The following CNTN5 variants were observed in gnomAD, a reference collection of about 807,000 sequenced individuals.
CNTN5 encodes contactin-5.
A neutral mutation model predicts 129.1 loss-of-function variants in CNTN5; 77 were observed. The observed-to-expected ratio is 0.60, with a 90% CI of 0.50 to 0.72. The LOEUF (loss-of-function observed/expected upper bound fraction) is 0.72, where lower values mean the gene tolerates loss of function less well. Ranked by LOEUF, CNTN5 falls within the 30% of genes least tolerant of loss-of-function variation. The pLI is 0.00. For synonymous variants in CNTN5, 509 were observed against 465.6 expected (o/e 1.09, Z -1.20); for missense variants, 1,478 against 1,328.8 (o/e 1.11, Z -1.75).
intron 3 of CNTN5, among the ~76,000 whole-genome samples, chr11:99,726,591 ATATT>A (rs1182936397): frequency 6.6e-6 from 1 of 152,220 alleles, no homozygotes; most frequent in Admixed American, 6.5e-5. Flanking sequence ...GTATTTTTAT[ATATT>A]ATCTAATTTA....
At chr11:99,130,695 G>C (rs1408981147) in intron 1 of CNTN5, among the ~76,000 whole-genome samples, 2 of 71,360 alleles carry the variant, frequency 2.8e-5, no homozygotes, top group African/African-American at 5.3e-5. Flanking sequence ...CTGTGAAATT[G>C]ATCACATAAT....
intron 3 of CNTN5, among the ~76,000 whole-genome samples, chr11:99,581,782 T>G (rs2135621179): frequency 6.6e-6 from 1 of 152,324 alleles, no homozygotes; most frequent in East Asian, 1.9e-4. Flanking sequence ...TTTATCCAAT[T>G]TTCCAGTCTG....
intron 1 of CNTN5, among the ~76,000 whole-genome samples, chr11:99,301,306 C>A (rs1188356410): frequency 1.6e-5 from 2 of 127,846 alleles, no homozygotes; most frequent in South Asian, 2.4e-4. Flanking sequence ...ATTGACTGAA[C>A]TGAAAAAAAA....
chr11:100,037,995 C>G (rs1322823787), intron 9 of CNTN5, among the ~76,000 whole-genome samples: 1 of 151,870 alleles, frequency 6.6e-6, no homozygotes, highest in South Asian at 2.1e-4. Context: ...TTAGTTATAT[C>G]TTGCCTTCTG....
chr11:100,260,587 C>G (rs1950174669), intron 17 of CNTN5, among the ~76,000 whole-genome samples: 2 of 152,198 alleles, frequency 1.3e-5, no homozygotes, highest in South Asian at 4.1e-4. Context: ...CATCAAAAAG[C>G]TTATCCAAAA....
chr11:99,344,533 A>G (rs899623111), intron 2 of CNTN5, among the ~76,000 whole-genome samples: 3 of 152,226 alleles, frequency 2.0e-5, no homozygotes, highest in African/African-American at 7.2e-5. Flanking sequence ...TGAAAAATAG[A>G]TATAAAATTT....
chr11:99,432,091 C>T (rs1474729528), intron 2 of CNTN5, among the ~76,000 whole-genome samples: 2 of 152,142 alleles, frequency 1.3e-5, no homozygotes, highest in African/African-American at 4.8e-5. Context: ...CAACTATTTG[C>T]TTAGGAATAA....
chr11:99,288,462 C>G (rs1376143250), intron 1 of CNTN5, among the ~76,000 whole-genome samples: 1 of 151,858 alleles, frequency 6.6e-6, no homozygotes, highest in Non-Finnish European at 1.5e-5. Context: ...AGATTATGCT[C>G]TCATCACAGT....
chr11:99,625,543 T>C (rs1951095595), intron 3 of CNTN5, among the ~76,000 whole-genome samples: 1 of 152,176 alleles, frequency 6.6e-6, no homozygotes, highest in African/African-American at 2.4e-5. Context: ...GTAACAACTG[T>C]ACCAAAGGGT....
intron 8 of CNTN5, among the ~76,000 whole-genome samples, chr11:99,999,912 A>T (rs1307986677): frequency 1.3e-5 from 2 of 151,986 alleles, no homozygotes; most frequent in Non-Finnish European, 2.9e-5. Flanking sequence ...CAAGGCCAAA[A>T]AACCAAACAC....
chr11:99,741,758 T>A (rs1454079789), intron 3 of CNTN5, among the ~76,000 whole-genome samples: 2 of 152,152 alleles, frequency 1.3e-5, no homozygotes, highest in Admixed American at 1.3e-4. Flanking sequence ...TTCATTTAAA[T>A]GAGAATTCTT....
chr11:100,056,698 T>C (rs550121040), intron 9 of CNTN5, among the ~76,000 whole-genome samples: 1 of 151,784 alleles, frequency 6.6e-6, no homozygotes, highest in East Asian at 1.9e-4. Context: ...GTCTGACAGA[T>C]CAGTGAAGAT....
chr11:100,320,964 G>C (rs778936858), intron 21 of CNTN5, among the ~76,000 whole-genome samples: 2 of 152,034 alleles, frequency 1.3e-5, no homozygotes, highest in Non-Finnish European at 1.5e-5. Flanking sequence ...CTATAGCTTT[G>C]CAGTAAATTT....
rs1437050864 is a variant in CNTN5 at position 100,350,795 on chromosome 11, A to G, written c.3124A>G (p.Ile1042Val). ...VVPLPDAGVYIIEVRAYSEGG... is the reference protein window; with the variant it reads ...VVPLPDAGVYVIEVRAYSEGG... Reference sequence around the variant, plus strand: ...ACCACTCCCAGATGCTGGAGTCTATATTATTGAAGTTCGAGCATATAGTGA... The same window carrying G: ...ACCACTCCCAGATGCTGGAGTCTATGTTATTGAAGTTCGAGCATATAGTGA... Residue 1042 changes from isoleucine (I) to valine (V), a missense_variant, in exon 24 of 25, where the codon ATT becomes GTT. By Grantham distance (29) the Ile-to-Val change is conservative. Transcript: ENST00000524871. 13 of 1,608,754 alleles carry G rather than the reference A, an allele frequency of 8.1e-6. No individual in the cohort carries two copies. The highest frequency in any genetic ancestry group is 1.1e-5 in the Non-Finnish European group (13 of 1,176,606).
intron 1 of CNTN5, among the ~76,000 whole-genome samples, chr11:99,221,741 C>T (rs1394833129): frequency 6.6e-6 from 1 of 151,840 alleles, no homozygotes; most frequent in Non-Finnish European, 1.5e-5. Flanking sequence ...TATTAATTTA[C>T]TCAGAGGAGT....
At chr11:99,032,949 G>T (rs1017678155) in intron 1 of CNTN5, among the ~76,000 whole-genome samples, 1 of 133,800 alleles carries the variant, frequency 7.5e-6, no homozygotes, top group Non-Finnish European at 1.5e-5. Flanking sequence ...TTTGTATAAG[G>T]TGTAAGGAAG....
chr11:99,158,128 AGTCATGTACTCACCT>A (rs1448740107), intron 1 of CNTN5, among the ~76,000 whole-genome samples: 2 of 152,190 alleles, frequency 1.3e-5, no homozygotes, highest in African/African-American at 4.8e-5. Flanking sequence ...TGAATTTTAG[AGTCATGTACTCACCT>A]GTCCACCTCA....
rs915117048 is a variant in CNTN5, at chr11:99,131,055, G to T, written c.-210+109785G>T. ...AGGCAGGCGGATCACAAGGTCAGGA[G>T]ATCGAGACCATCCTGGCTAACATGG... is the stretch of plus-strand genomic sequence containing the variant. On this transcript the variant is annotated intron_variant, in intron 1 of 24. Transcript: ENST00000524871. Among the ~76,000 whole-genome samples the T allele has an allele frequency of 4.0e-5, 6 of 150,182 alleles. No homozygotes were observed. The East Asian group carries it at 1.2e-3, about 30-fold the overall frequency.
chr11:99,024,043 C>A (rs1035610829), intron 1 of CNTN5, among the ~76,000 whole-genome samples: 6 of 152,086 alleles, frequency 3.9e-5, no homozygotes, highest in Admixed American at 1.3e-4. Flanking sequence ...AAGCTCAAAG[C>A]GGTAGAATCA....
Sources: gnomAD v4.1 joint callset for allele counts (sites outside exome capture counted in the v4.1 genomes callset) on GRCh38, gnomAD v4.1.1 for gene constraint, MANE v1.5 for transcripts, NCBI Gene and HGNC (gene_info 2026-07-23, HGNC 2026-07-21) for gene names.